Variants in POLD3 observed in about 807,000 individuals in gnomAD.
The protein encoded by POLD3 is DNA polymerase delta 3, accessory subunit.
POLD3 carries 19 observed loss-of-function variants against 58.2 expected under a neutral mutation model. That is an observed-to-expected ratio of 0.33 (90% CI 0.23 to 0.48). POLD3 has a LOEUF of 0.48. Ranked by LOEUF, POLD3 falls within the 20% of genes least tolerant of loss-of-function variation. The pLI is 0.99. For synonymous variants in POLD3, 172 were observed against 193.5 expected, an observed-to-expected ratio of 0.89 and a Z score of 0.92; for missense variants, 504 against 545.5, an observed-to-expected ratio of 0.92 and a Z score of 0.76.
intron 2 of POLD3, among the ~76,000 whole-genome samples, chr11:74,598,021 C>T (rs2031339656): frequency 6.6e-6 from 1 of 151,860 alleles, no homozygotes. Flanking sequence ...TTCAAGGCTG[C>T]AGTGAGCTAT....
chr11:74,635,667 C>G (rs1284608132), intron 10 of POLD3, among the ~76,000 whole-genome samples: 3 of 152,076 alleles, frequency 2.0e-5, no homozygotes, highest in Non-Finnish European at 4.4e-5. Context: ...GGCAACAGAG[C>G]CAGAACTTGT....
rs549309228 is a variant in POLD3, at chr11:74,641,970, C to T, written c.*1204C>T. 10 of 985,264 alleles carry T rather than the reference C, an allele frequency of 1.0e-5. No homozygotes were observed. The highest frequency in any genetic ancestry group is 4.7e-5 in the South Asian group (1 of 21,296). The allele number at this position is 985,264 out of a possible 1,614,324, so 61.0% of individuals were successfully genotyped here. A position where few individuals can be genotyped will look rare whatever the true frequency, so the allele number is the denominator to read the frequency against. ...GTGACTTCCATTATGGCTGGACAGG[C>T]GGTGAGCTCAGTGGATTGCAGTGGT... On this transcript the variant is annotated 3_prime_UTR_variant, in exon 12 of 12. Transcript: ENST00000263681.
chr11:74,594,458 G>A (rs1022886238), intron 2 of POLD3, among the ~76,000 whole-genome samples: 1 of 152,062 alleles, frequency 6.6e-6, no homozygotes, highest in African/African-American at 2.4e-5. Context: ...GGGGGTTAGG[G>A]CTTTAACATT....
At chr11:74,657,921 AAAAG>A (rs1174549014) in intron 4 of POLD3, among the ~76,000 whole-genome samples, 1 of 152,188 alleles carries the variant, frequency 6.6e-6, no homozygotes, top group Non-Finnish European at 1.5e-5. Flanking sequence ...ATTCTAGGGT[AAAAG>A]TTTTTTTCCC....
At chr11:74,602,656 C>T (rs1591290714) in intron 2 of POLD3, among the ~76,000 whole-genome samples, 1 of 152,310 alleles carries the variant, frequency 6.6e-6, no homozygotes, top group African/African-American at 2.4e-5. Context: ...GTATATCATC[C>T]ACATAACCTT....
At chr11:74,608,479 G>A (rs2031774148) in intron 3 of POLD3, among the ~76,000 whole-genome samples, 1 of 152,028 alleles carries the variant, frequency 6.6e-6, no homozygotes, top group Non-Finnish European at 1.5e-5. Flanking sequence ...AACTAGCCGT[G>A]TTTTCCCTGT....
intron 9 of POLD3, among the ~76,000 whole-genome samples, chr11:74,633,282 A>G (rs1397894343): frequency 6.6e-6 from 1 of 151,966 alleles, no homozygotes; most frequent in Non-Finnish European, 1.5e-5. Context: ...CTCTTGCCTG[A>G]GCTCCCATCA....
intron 7 of POLD3, among the ~76,000 whole-genome samples, chr11:74,620,906 C>G (rs987134743): frequency 6.9e-6 from 1 of 145,900 alleles, no homozygotes; most frequent in African/African-American, 2.6e-5. Context: ...TTGGTGGTCA[C>G]GGGAGGGATT....
At chr11:74,599,571 C>T (rs2031408866) in intron 2 of POLD3, among the ~76,000 whole-genome samples, 1 of 151,776 alleles carries the variant, frequency 6.6e-6, no homozygotes. Flanking sequence ...ACGATCTTGG[C>T]CAGGCTGGTC....
intron 3 of POLD3, among the ~76,000 whole-genome samples, chr11:74,607,303 C>G (rs1222928522): frequency 4.0e-5 from 6 of 149,748 alleles, no homozygotes; most frequent in African/African-American, 1.5e-4. Context: ...TGCTCTGTCG[C>G]CCAGGCTGGA....
At chr11:74,607,234 T>TA (rs2031708959) in intron 3 of POLD3, among the ~76,000 whole-genome samples, 2 of 108,530 alleles carry the variant, frequency 1.8e-5, no homozygotes, top group African/African-American at 1.0e-4. Flanking sequence ...GAATTTATTA[T>TA]TATTATTATA....
chr11:74,612,292 T>G (rs1351696993), intron 4 of POLD3, among the ~76,000 whole-genome samples: 1 of 152,218 alleles, frequency 6.6e-6, no homozygotes, highest in Non-Finnish European at 1.5e-5. Context: ...AAGCAAAATT[T>G]CTTTATTCTG....
At chr11:74,607,301 C>T (rs7124188) in intron 3 of POLD3, among the ~76,000 whole-genome samples, 62,058 of 149,226 alleles carry the variant, frequency 0.42, 14,036 homozygotes, top group Non-Finnish European at 0.51. Flanking sequence ...CTTGCTCTGT[C>T]GCCCAGGCTG....
intron 8 of POLD3, among the ~76,000 whole-genome samples, chr11:74,627,186 G>A (rs1005094698): frequency 6.6e-6 from 1 of 152,104 alleles, no homozygotes; most frequent in Admixed American, 6.5e-5. Context: ...CTTCCAGTGG[G>A]ACAAAATGTG....
chr11:74,623,668 C>T (rs925587232), intron 7 of POLD3, among the ~76,000 whole-genome samples: 13 of 152,076 alleles, frequency 8.5e-5, no homozygotes, highest in African/African-American at 1.4e-4. Context: ...TAAAATTCAG[C>T]ATTGATGACA....
Position 74,612,957 on chromosome 11 carries a change from T to C in POLD3, c.339T>C (p.Pro113=). The C allele has an allele frequency of 6.2e-7, 1 of 1,613,740 alleles. No homozygotes were observed. The highest frequency in any genetic ancestry group is 8.5e-7 in the Non-Finnish European group (1 of 1,179,624). ...AAGCCATGCTAAAGGACAGTGGGCCTCTGTTCAATACTGACTATGACATCC... is the reference window on the plus strand; with the variant it reads ...AAGCCATGCTAAAGGACAGTGGGCCCCTGTTCAATACTGACTATGACATCC... ...IQKAMLKDSG[P]LFNTDYDILK... The change falls in exon 5 of 12, where the codon CCT becomes CCC. Residue 113 remains proline, a synonymous_variant. Transcript: ENST00000263681.
chr11:74,634,504 A>G (rs2032687916), intron 9 of POLD3, 79 bp from the exon 10 acceptor site: 1 of 800,572 alleles, frequency 1.2e-6, no homozygotes, highest in Non-Finnish European at 2.2e-6. Context: ...GGACATGTCA[A>G]TTTAGAGAAC....
Position 74,618,499 on chromosome 11 carries a change from A to G in POLD3, c.393-38A>G, listed in dbSNP as rs371180221. 13 of 1,521,480 alleles carry G rather than the reference A, an allele frequency of 8.5e-6. No individual in the cohort carries two copies. The African/African-American group carries it at 1.5e-4, about 18-fold the overall frequency. 94.2% of individuals were successfully genotyped at this position (1,521,480 alleles called of 1,614,324 possible). A position where few individuals can be genotyped will look rare whatever the true frequency, so the allele number is the denominator to read the frequency against. On this transcript the variant is annotated intron_variant, in intron 5 of 11. Transcript: ENST00000263681. ...TTTGTTGAACCACCCAAGAATGCAT[A>G]TGCTGACATTAACTTAATGTAACAT... is the stretch of plus-strand genomic sequence containing the variant.
In POLD3 at chr11:74,640,704, A is replaced by G. The variant is rs746612999; in HGVS notation, c.1339A>G (p.Thr447Ala). 3 of 1,612,606 alleles carry G rather than the reference A, an allele frequency of 1.9e-6. No individual in the cohort carries two copies. Among genetic ancestry groups the G allele is most frequent in the Non-Finnish European group, 2.5e-6 (3 of 1,179,420 alleles). Reference sequence around the variant, plus strand: ...GGAACGAAAGGGCCCCAAGAAAGGGACTGCTGCTCTGGGCAAAGCCAACAG... The same window carrying G: ...GGAACGAAAGGGCCCCAAGAAAGGGGCTGCTGCTCTGGGCAAAGCCAACAG... ...REERKGPKKG[T>A]AALGKANRQV... is the part of the protein sequence containing the mutation. Residue 447 changes from threonine (T) to alanine (A), a missense_variant, in exon 12 of 12, where the codon ACT becomes GCT. By Grantham distance (58) the Thr-to-Ala change is moderately conservative. Around this residue, in one of 2 missense-constraint regions of POLD3, gnomAD observed 385 missense variants for 370.5 expected, o/e 1.04. Transcript: ENST00000263681.
Sources: gnomAD v4.1 joint callset for allele counts (sites outside exome capture counted in the v4.1 genomes callset) on GRCh38, gnomAD v4.1.1 for gene constraint, gnomAD v4.1.1 regional missense constraint, MANE v1.5 for transcripts, NCBI Gene and HGNC (gene_info 2026-07-23, HGNC 2026-07-21) for gene names.